The following EYS variants were observed in gnomAD, a reference collection of about 807,000 sequenced individuals.
EYS encodes protein eyes shut homolog.
Under a neutral mutation model 282.1 loss-of-function variants are expected in EYS, and 250 were observed. The observed-to-expected ratio is 0.89, with a 90% CI of 0.80 to 0.98. EYS has a LOEUF of 0.98. Ranked by LOEUF, EYS falls within the 50% of genes least tolerant of loss-of-function variation. The pLI is 0.00. For synonymous variants in EYS, 1,355 were observed against 1,282.9 expected, an observed-to-expected ratio of 1.06 and a Z score of -1.20; for missense variants, 4,016 against 3,709.0, an observed-to-expected ratio of 1.08 and a Z score of -2.15.
intron 41 of EYS, chr6:63,742,062 C>G: frequency 1.5e-6 from 1 of 681,624 alleles, no homozygotes; most frequent in South Asian, 1.5e-5. Flanking sequence ...GTGGCAGACA[C>G]TCTTTGGATC....
At chr6:63,808,890 T>TA (rs1197943804) in intron 36 of EYS, among the ~76,000 whole-genome samples, 1 of 152,196 alleles carries the variant, frequency 6.6e-6, no homozygotes, top group Non-Finnish European at 1.5e-5. Context: ...TTGGGTTAAA[T>TA]AAAATATATT....
chr6:64,523,043 T>A (rs1248675052), intron 26 of EYS, among the ~76,000 whole-genome samples: 1 of 149,292 alleles, frequency 6.7e-6, no homozygotes, highest in Non-Finnish European at 1.5e-5. Context: ...TTAAGGTTTA[T>A]GAGCTGTTTT....
chr6:65,385,853 A>G (rs1336325390), intron 7 of EYS, among the ~76,000 whole-genome samples: 1 of 151,964 alleles, frequency 6.6e-6, no homozygotes, highest in Non-Finnish European at 1.5e-5. Flanking sequence ...CCAAATACCA[A>G]CTTAATGAAA....
rs548798450 is a variant in EYS at position 63,827,717 on chromosome 6, G to A, written c.7229-21345C>T. On this transcript the variant is annotated intron_variant, in intron 36 of 42. Transcript: ENST00000503581. ...AAATTAGCCGGGCGCTGTGGCGGGCGCCTGTAGTCCCAGCTACTTGGGAGG... is the reference window on the plus strand; with the variant it reads ...AAATTAGCCGGGCGCTGTGGCGGGCACCTGTAGTCCCAGCTACTTGGGAGG... 2.4e-4 allele frequency among the ~76,000 whole-genome samples: 37 copies of A among 151,880 alleles called. No homozygotes were observed. The South Asian group carries it at 4.4e-3, about 18-fold the overall frequency.
chr6:64,531,285 T>C (rs1301938490), intron 26 of EYS, among the ~76,000 whole-genome samples: 2 of 152,078 alleles, frequency 1.3e-5, no homozygotes, highest in Non-Finnish European at 2.9e-5. Context: ...AATTAGCTAA[T>C]GGTTGCTTTT....
intron 12 of EYS, among the ~76,000 whole-genome samples, chr6:65,288,044 A>G (rs1412222732): frequency 6.6e-6 from 1 of 151,280 alleles, no homozygotes; most frequent in African/African-American, 2.4e-5. Context: ...TTCTACTAAT[A>G]GGACTAAATA....
intron 12 of EYS, among the ~76,000 whole-genome samples, chr6:65,071,742 A>G (rs915398886): frequency 3.3e-5 from 5 of 151,864 alleles, no homozygotes; most frequent in Admixed American, 3.3e-4. Context: ...TAGAAAGCAT[A>G]GTAAATCAAC....
chr6:65,067,495 A>T (rs951738266), intron 12 of EYS, among the ~76,000 whole-genome samples: 5 of 152,148 alleles, frequency 3.3e-5, no homozygotes, highest in African/African-American at 1.2e-4. Flanking sequence ...GTGCTTTAGA[A>T]TGTATAAAAT....
At chr6:65,461,098 G>A (rs956851424) in intron 5 of EYS, among the ~76,000 whole-genome samples, 2 of 152,022 alleles carry the variant, frequency 1.3e-5, no homozygotes, top group Non-Finnish European at 1.5e-5. Flanking sequence ...GTGATTGATT[G>A]GATCAAATGC....
intron 13 of EYS, among the ~76,000 whole-genome samples, chr6:65,041,967 C>A (rs1261845752): frequency 6.6e-6 from 1 of 151,642 alleles, no homozygotes. Flanking sequence ...GTACTAATTT[C>A]TGTTTCAATT....
chr6:64,321,422 T>C (rs1770216248), intron 29 of EYS, among the ~76,000 whole-genome samples: 1 of 151,852 alleles, frequency 6.6e-6, no homozygotes, highest in Non-Finnish European at 1.5e-5. Context: ...TAATAAATAA[T>C]ATAAGGCTGA....
Position 65,057,606 on chromosome 6 carries a change from T to C in EYS, c.2137+8A>G, listed in dbSNP as rs1417171851. ...GTTTGCTTTTCCTTATCCCTTGGTG[T>C]TCATTACCTTTAAATGGAGGCACAC... On this transcript the variant is annotated splice_region_variant and intron_variant, in intron 13 of 42. Transcript: ENST00000503581. The C allele has an allele frequency of 3.3e-6, 5 of 1,500,310 alleles. No homozygotes were observed. In the Admixed American group the frequency reaches 7.9e-5, roughly 24 times the overall value. 92.9% of individuals were successfully genotyped at this position (1,500,310 alleles called of 1,614,324 possible).
intron 31 of EYS, among the ~76,000 whole-genome samples, chr6:64,139,489 G>T (rs1774268877): frequency 6.6e-6 from 1 of 152,054 alleles, no homozygotes; most frequent in African/African-American, 2.4e-5. Flanking sequence ...GAAAGACATA[G>T]GTAGTAAGTT....
intron 29 of EYS, among the ~76,000 whole-genome samples, chr6:64,329,769 G>A (rs573378342): frequency 2.4e-4 from 37 of 152,206 alleles, no homozygotes; most frequent in South Asian, 6.2e-4. Flanking sequence ...AAAGCCCCCC[G>A]GAGATTACCA....
intron 22 of EYS, among the ~76,000 whole-genome samples, chr6:64,675,633 T>A (rs1239144449): frequency 3.3e-5 from 5 of 151,944 alleles, no homozygotes; most frequent in Admixed American, 2.6e-4. Flanking sequence ...TTTCACCATG[T>A]TGGCTAGGCT....
chr6:64,457,743 T>C lies in EYS; in HGVS notation c.5645-18391A>G, dbSNP rs1582779372. Among the ~76,000 whole-genome samples, 3 of 152,080 alleles carry C rather than the reference T, an allele frequency of 2.0e-5. 1 individual carries two copies. The highest frequency in any genetic ancestry group is 3.4e-3 in the Middle Eastern group (1 of 294). On this transcript the variant is annotated intron_variant, in intron 26 of 42. Coordinates refer to ENST00000503581, the MANE Select transcript of EYS (RefSeq NM_001142800.2). ...TCTTCATTTTCAATTTGTGGGTCCT[T>C]ACAAGTGAAATGAGTCTCTTGTAGG...
At chr6:65,149,129 A>G (rs144493004) in intron 12 of EYS, among the ~76,000 whole-genome samples, 1,539 of 152,192 alleles carry the variant, frequency 0.01, 29 homozygotes, top group African/African-American at 0.035. Context: ...TCTGTTTTAC[A>G]TATGCAAATT....
intron 26 of EYS, among the ~76,000 whole-genome samples, chr6:64,474,471 G>A (rs1776207232): frequency 6.6e-6 from 1 of 152,102 alleles, no homozygotes; most frequent in Non-Finnish European, 1.5e-5. Context: ...GAATGAATAT[G>A]AAAGAACATT....
intron 12 of EYS, among the ~76,000 whole-genome samples, chr6:65,142,006 A>G (rs193281996): frequency 6.6e-6 from 1 of 152,092 alleles, no homozygotes; most frequent in Non-Finnish European, 1.5e-5. Flanking sequence ...CAATATGCAG[A>G]GCAAACATGT....
Sources: allele counts gnomAD v4.1 joint callset (sites outside exome capture counted in the v4.1 genomes callset), GRCh38; gene constraint gnomAD v4.1.1; transcripts MANE v1.5; gene names NCBI Gene and HGNC (gene_info 2026-07-23, HGNC 2026-07-21).